GSDMC: variants seen among roughly 807,000 people sequenced by gnomAD.
GSDMC encodes the protein gasdermin C, also known as gasdermin-C.
Under a neutral mutation model 58.0 loss-of-function variants are expected in GSDMC, and 59 were observed. That is an observed-to-expected ratio of 1.02 (90% CI 0.82 to 1.26). The LOEUF (loss-of-function observed/expected upper bound fraction) is 1.26. GSDMC is among the 50% of genes most tolerant of loss of function. GSDMC has a pLI of 0.00. For synonymous variants in GSDMC, 241 were observed against 220.2 expected (o/e 1.09, Z -0.83); for missense variants, 659 against 598.5 (o/e 1.10, Z -1.06).
At chr8:129,730,347 G>A in the GSDMC span, 1 of 1,314,342 alleles carries the variant, frequency 7.6e-7, no homozygotes. Flanking sequence ...TCTTGAAACT[G>A]TTATGCAAGG....
At chr8:129,733,522 C>T in the GSDMC span, among the ~76,000 whole-genome samples, 1 of 152,176 alleles carries the variant, frequency 6.6e-6, no homozygotes, top group Non-Finnish European at 1.5e-5. Context: ...GATACCCAGG[C>T]AAATAGGGTC....
chr8:129,744,078 A>G (rs1322335831), downstream of GSDMC, among the ~76,000 whole-genome samples: 1 of 76,836 alleles, frequency 1.3e-5, no homozygotes, highest in Non-Finnish European at 2.1e-5. Flanking sequence ...TGCCCTAAAA[A>G]TGTTAGTTCC....
At chr8:129,732,742 T>C in the GSDMC span, among the ~76,000 whole-genome samples, 1 of 152,192 alleles carries the variant, frequency 6.6e-6, no homozygotes, top group African/African-American at 2.4e-5. Flanking sequence ...CCAGTGTGAT[T>C]GATGCAGAAG....
chr8:129,751,523 C>A lies in GSDMC; in HGVS notation c.943+19G>T, dbSNP rs1205519411. ...GCTCCCACCCAGAAGCCCCAGGTTCCCCCTTAATAAATACTTACTTTGCCA... is the reference window on the plus strand; with the variant it reads ...GCTCCCACCCAGAAGCCCCAGGTTCACCCTTAATAAATACTTACTTTGCCA... On this transcript the variant is annotated intron_variant, in intron 10 of 13. Coordinates refer to ENST00000276708, the MANE Select transcript of GSDMC (RefSeq NM_031415.3). The A allele has an allele frequency of 1.9e-6, 3 of 1,606,690 alleles. No homozygotes were observed. Among genetic ancestry groups the A allele is most frequent in the Non-Finnish European group, 2.6e-6 (3 of 1,174,720 alleles).
chr8:129,737,688 A>G, the GSDMC span, among the ~76,000 whole-genome samples: 1 of 152,378 alleles, frequency 6.6e-6, no homozygotes, highest in East Asian at 1.9e-4. Context: ...CTTAAATGTA[A>G]GACCTAAAAC....
the GSDMC span, among the ~76,000 whole-genome samples, chr8:129,737,134 TA>T: frequency 6.6e-6 from 1 of 151,962 alleles, no homozygotes; most frequent in Non-Finnish European, 1.5e-5. Flanking sequence ...CTCAATGAAA[TA>T]AAAGAGGACA....
chr8:129,745,016 G>T (rs1363454099), downstream of GSDMC, among the ~76,000 whole-genome samples: 1 of 152,154 alleles, frequency 6.6e-6, no homozygotes, highest in East Asian at 1.9e-4. Flanking sequence ...GCCTATAAGG[G>T]ATAATGGGTT....
At chr8:129,729,308 G>GT in the GSDMC span, 178,630 of 546,302 alleles carry the variant, frequency 0.33, 30,109 homozygotes, top group South Asian at 0.35. Flanking sequence ...CATGAAATTT[G>GT]TTTTTTTTAA....
At chr8:129,749,105 G>T (rs538108759) in intron 13 of GSDMC, among the ~76,000 whole-genome samples, 1 of 152,170 alleles carries the variant, frequency 6.6e-6, no homozygotes, top group Non-Finnish European at 1.5e-5. Context: ...TCATAACAGT[G>T]TAACTAGAGC....
chr8:129,729,763 A>T, the GSDMC span: 2 of 599,264 alleles, frequency 3.3e-6, no homozygotes, highest in Non-Finnish European at 6.0e-6. Context: ...AAGTGTCGCA[A>T]TAAACATATG....
Position 129,748,257 on chromosome 8 carries a change from T to G in GSDMC, c.*244A>C. 1 of 344,226 alleles carries G rather than the reference T, an allele frequency of 2.9e-6. No individual in the cohort carries two copies. Among genetic ancestry groups the G allele is most frequent in the South Asian group, 1.1e-4 (1 of 8,876 alleles). The allele number at this position is 344,226 out of a possible 1,614,324, so 21.3% of individuals were successfully genotyped here. On this transcript the variant is annotated 3_prime_UTR_variant, in exon 14 of 14. Coordinates refer to ENST00000276708, the MANE Select transcript of GSDMC (RefSeq NM_031415.3). ...ATTTATACATAGTGAAACGCTTACG[T>G]CTTTAACATACTATTTGAGGAGTTT...
At chr8:129,756,068 A>T (rs774721591) in intron 6 of GSDMC, among the ~76,000 whole-genome samples, 10 of 146,030 alleles carry the variant, frequency 6.8e-5, no homozygotes, top group Non-Finnish European at 1.5e-4. Flanking sequence ...TGAAAGGATT[A>T]AAAAAAAAAA....
At chr8:129,777,296 G>T in intron 2 of GSDMC, 72 bp downstream of exon 2, 1 of 911,258 alleles carries the variant, frequency 1.1e-6, no homozygotes, top group Non-Finnish European at 1.8e-6. Context: ...GTTATCTTTG[G>T]ATGGTGGGCC....
chr8:129,729,676 T>A, the GSDMC span: 1 of 455,270 alleles, frequency 2.2e-6, no homozygotes, highest in African/African-American at 2.0e-5. Flanking sequence ...TTCCATGGTG[T>A]ATATGTGCCA....
In GSDMC at chr8:129,777,459, C is replaced by A; in HGVS notation, c.129G>T (p.Lys43Asn). The stretch of plus-strand genomic sequence containing the variant: ...GTTCCCAAAATGATGAACGAGAATC[C>A]TTCTTCTTTCGTAATATAACAAACT... ...LRQFVILRKK[K>N]DSRSSFWEQS... The change falls in exon 2 of 14, where the codon AAG (lysine) becomes AAT (asparagine). Residue 43 changes from lysine to asparagine, a missense_variant. Transcript: ENST00000276708. The A allele has an allele frequency of 6.2e-7, 1 of 1,612,802 alleles. No individual in the cohort carries two copies. The highest frequency in any genetic ancestry group is 8.5e-7 in the Non-Finnish European group (1 of 1,178,982).
chr8:129,748,747 G>T lies in GSDMC; in HGVS notation c.1288-7C>A, dbSNP rs2130312943. On this transcript the variant is annotated splice_region_variant and splice_polypyrimidine_tract_variant and intron_variant, in intron 13 of 13. Coordinates refer to ENST00000276708, the MANE Select transcript of GSDMC (RefSeq NM_031415.3). ...GCTCCAGGATGCTCCTTACCTAGAAGAAAGATGATCAGGTTCTACAGACCA... is the reference window on the plus strand; with the variant it reads ...GCTCCAGGATGCTCCTTACCTAGAATAAAGATGATCAGGTTCTACAGACCA... The T allele has an allele frequency of 2.6e-6, 4 of 1,510,132 alleles. 1 individual carries two copies. The East Asian group carries it at 9.7e-5, about 36-fold the overall frequency. The allele number at this position is 1,510,132 out of a possible 1,614,324, so 93.5% of individuals were successfully genotyped here. A position where few individuals can be genotyped will look rare whatever the true frequency, so the allele number is the denominator to read the frequency against.
chr8:129,776,030 G>A, intron 3 of GSDMC, 72 bp downstream of exon 3: 2 of 1,164,456 alleles, frequency 1.7e-6, no homozygotes, highest in South Asian at 1.5e-5. Flanking sequence ...CTTGCTAGAT[G>A]TATTTTTGTG....
At chr8:129,727,851 C>A in the GSDMC span, among the ~76,000 whole-genome samples, 1 of 152,170 alleles carries the variant, frequency 6.6e-6, no homozygotes, top group Non-Finnish European at 1.5e-5. Flanking sequence ...CATCACAGGT[C>A]TGGGGCAGAA....
chr8:129,716,243 T>A, the GSDMC span, among the ~76,000 whole-genome samples: 1 of 152,128 alleles, frequency 6.6e-6, no homozygotes, highest in African/African-American at 2.4e-5. Flanking sequence ...CAAGACACAA[T>A]CATATGCTTT....
Sources: gnomAD v4.1 joint callset for allele counts (sites outside exome capture counted in the v4.1 genomes callset) on GRCh38, gnomAD v4.1.1 for gene constraint, MANE v1.5 for transcripts, NCBI Gene and HGNC (gene_info 2026-07-23, HGNC 2026-07-21) for gene names.